Variants in UBE3C observed in about 807,000 individuals in gnomAD.
The protein encoded by UBE3C is ubiquitin-protein ligase E3C.
Under a neutral mutation model 129.4 loss-of-function variants are expected in UBE3C, and 42 were observed. The ratio of observed to expected loss-of-function variants is 0.32; its 90% CI spans 0.25 to 0.42. The LOEUF is 0.42. Among genes scored for constraint, UBE3C ranks in the 10% least tolerant of loss-of-function variants. UBE3C has a pLI of 1.00. For missense variants in UBE3C, 1,049 were observed against 1,319.1 expected (o/e 0.80, Z 3.17); for synonymous variants, 510 against 492.4 (o/e 1.04, Z -0.47).
chr7:157,164,985 G>T (rs909367292), intron 2 of UBE3C, among the ~76,000 whole-genome samples: 2 of 152,084 alleles, frequency 1.3e-5, no homozygotes, highest in Non-Finnish European at 2.9e-5. Flanking sequence ...TTCTTTGTTG[G>T]GGGGAACTGC....
chr7:157,180,603 A>T (rs1330407753), intron 6 of UBE3C, among the ~76,000 whole-genome samples: 1 of 152,216 alleles, frequency 6.6e-6, no homozygotes, highest in Non-Finnish European at 1.5e-5. Flanking sequence ...ATATGATGAG[A>T]TACTCAAAAA....
chr7:157,212,916 C>G (rs1250090349), intron 13 of UBE3C, among the ~76,000 whole-genome samples: 2 of 152,086 alleles, frequency 1.3e-5, no homozygotes, highest in Non-Finnish European at 2.9e-5. Context: ...TGCCACCACA[C>G]CCGGCTAATT....
intron 22 of UBE3C, among the ~76,000 whole-genome samples, chr7:157,262,194 G>C (rs994297562): frequency 6.6e-6 from 1 of 151,786 alleles, no homozygotes; most frequent in Non-Finnish European, 1.5e-5. Context: ...TGAATAATAA[G>C]TGTAATAAAT....
At chr7:157,180,691 A>G (rs762022976) in intron 6 of UBE3C, among the ~76,000 whole-genome samples, 2 of 152,210 alleles carry the variant, frequency 1.3e-5, no homozygotes, top group Non-Finnish European at 2.9e-5. Context: ...CATTCTTGAT[A>G]CCCAGAGTTA....
chr7:157,201,193 G>A (rs187799559), intron 10 of UBE3C, among the ~76,000 whole-genome samples: 2 of 151,752 alleles, frequency 1.3e-5, no homozygotes, highest in Admixed American at 6.6e-5. Flanking sequence ...GCGTGGTGGC[G>A]GGCACCTGTA....
rs78580906 is a variant in UBE3C, at chr7:157,247,420, G to A, written c.2482-948G>A. ...TATTAGAAAACTTTTGGCCGGGCAG[G>A]ATGGCTCACACCTATAATCCCAGCA... On this transcript the variant is annotated intron_variant, in intron 18 of 22. Transcript: ENST00000348165. Among the ~76,000 whole-genome samples the A allele has an allele frequency of 5.4e-4, 83 of 152,320 alleles. No homozygotes were observed. The East Asian group carries it at 7.7e-3, about 14-fold the overall frequency.
rs182996339 is a variant in UBE3C, at chr7:157,267,897, T to C, written c.*142T>C. 195 of 634,044 alleles carry C rather than the reference T, an allele frequency of 3.1e-4. No individual in the cohort carries two copies. Among genetic ancestry groups the C allele is most frequent in the East Asian group, 6.0e-4 (19 of 31,546 alleles). 39.3% of individuals were successfully genotyped at this position (634,044 alleles called of 1,614,324 possible). A position where few individuals can be genotyped will look rare whatever the true frequency, so the allele number is the denominator to read the frequency against. ...TTCATTCTGCCATTCCTCCCTCCCT[T>C]CCTTTTTTAAATGATTTTTATTACG... On this transcript the variant is annotated 3_prime_UTR_variant, in exon 23 of 23. Coordinates refer to ENST00000348165, the MANE Select transcript of UBE3C (RefSeq NM_014671.3).
intron 13 of UBE3C, 28 bp downstream of exon 13, chr7:157,207,963 A>C: frequency 7.3e-7 from 1 of 1,361,450 alleles, no homozygotes; most frequent in Middle Eastern, 2.1e-4. Flanking sequence ...TTTTTTGTTT[A>C]CTGACATTGA....
chr7:157,147,611 T>A (rs1004499718), intron 1 of UBE3C, among the ~76,000 whole-genome samples: 3 of 152,198 alleles, frequency 2.0e-5, no homozygotes, highest in African/African-American at 7.2e-5. Flanking sequence ...TGGTGAGAAC[T>A]TGCCTTGTTC....
chr7:157,155,319 GA>G (rs1265972038), intron 1 of UBE3C, among the ~76,000 whole-genome samples: 1 of 152,160 alleles, frequency 6.6e-6, no homozygotes, highest in African/African-American at 2.4e-5. Context: ...CTGAGAGCCA[GA>G]AAATACTGAA....
intron 21 of UBE3C, among the ~76,000 whole-genome samples, chr7:157,254,960 C>T (rs1204319315): frequency 7.7e-6 from 1 of 129,162 alleles, no homozygotes; most frequent in African/African-American, 2.6e-5. Flanking sequence ...GTGGCGTACA[C>T]CTGCAGTCCC....
At chr7:157,149,718 C>T (rs1807707433) in intron 1 of UBE3C, among the ~76,000 whole-genome samples, 1 of 152,120 alleles carries the variant, frequency 6.6e-6, no homozygotes, top group South Asian at 2.1e-4. Flanking sequence ...TCTCATAAGA[C>T]CATAGAATAG....
intron 2 of UBE3C, among the ~76,000 whole-genome samples, chr7:157,165,553 G>A (rs10227115): frequency 0.17 from 25,578 of 151,600 alleles, 2,419 homozygotes; most frequent in East Asian, 0.35. Context: ...GCACGCCACC[G>A]CACCCAGCTA....
chr7:157,227,486 C>T (rs551981196), intron 17 of UBE3C, among the ~76,000 whole-genome samples: 2 of 152,110 alleles, frequency 1.3e-5, no homozygotes, highest in South Asian at 2.1e-4. Flanking sequence ...ATCACAAGGT[C>T]AGGAGATCGA....
chr7:157,176,111 GAT>G (rs1390878007), intron 5 of UBE3C, among the ~76,000 whole-genome samples: 2 of 152,042 alleles, frequency 1.3e-5, no homozygotes, highest in African/African-American at 4.8e-5. Flanking sequence ...TTTGATACAT[GAT>G]ATATGTAAAT....
chr7:157,168,964 G>T (rs1808292878), intron 2 of UBE3C, 84 bp from the exon 3 acceptor site: 1 of 1,033,460 alleles, frequency 9.7e-7, no homozygotes, highest in East Asian at 2.4e-5. Context: ...ATAGCTGTTA[G>T]TGTTTTTAAA....
At chr7:157,153,332 C>T (rs921581130) in intron 1 of UBE3C, among the ~76,000 whole-genome samples, 2 of 151,928 alleles carry the variant, frequency 1.3e-5, no homozygotes, top group Admixed American at 1.3e-4. Flanking sequence ...CTGCAAAAGA[C>T]GAAATTTTAG....
chr7:157,261,314 A>G (rs1296650868), intron 22 of UBE3C, among the ~76,000 whole-genome samples: 19 of 77,578 alleles, frequency 2.4e-4, no homozygotes, highest in African/African-American at 8.4e-4. Flanking sequence ...CTGAAAAAAA[A>G]AAAAAAAAAA....
At chr7:157,248,848 C>T (rs1165884345) in intron 19 of UBE3C, among the ~76,000 whole-genome samples, 1 of 152,184 alleles carries the variant, frequency 6.6e-6, no homozygotes, top group Non-Finnish European at 1.5e-5. Context: ...GCGGCCCAGG[C>T]TTGCTGCTTG....
Sources: gnomAD v4.1 joint callset for allele counts (sites outside exome capture counted in the v4.1 genomes callset) on GRCh38, gnomAD v4.1.1 for gene constraint, MANE v1.5 for transcripts, NCBI Gene and HGNC (gene_info 2026-07-23, HGNC 2026-07-21) for gene names.